PRKCE: variants seen among roughly 807,000 people sequenced by gnomAD.
PRKCE encodes protein kinase C epsilon.
In PRKCE, 16 loss-of-function variants were observed where a neutral mutation model predicts 85.4. The observed-to-expected ratio is 0.19, with a 90% CI of 0.13 to 0.28. PRKCE has a LOEUF of 0.28. PRKCE is among the 10% of genes least tolerant of loss of function. The pLI is 1.00. For synonymous variants in PRKCE, 388 were observed against 371.5 expected, an observed-to-expected ratio of 1.04 and a Z score of -0.51; for missense variants, 573 against 975.2, an observed-to-expected ratio of 0.59 and a Z score of 5.49.
intron 10 of PRKCE, among the ~76,000 whole-genome samples, chr2:46,042,909 T>C (rs1454982841): frequency 6.6e-6 from 1 of 152,240 alleles, no homozygotes; most frequent in Admixed American, 6.5e-5. Flanking sequence ...GCATTTTTAC[T>C]AGAAGAAGAA....
chr2:45,812,635 A>C lies in PRKCE; in HGVS notation c.349-30365A>C, dbSNP rs984502217. 2.6e-5 allele frequency among the ~76,000 whole-genome samples: 4 copies of C among 152,338 alleles called. No individual in the cohort carries two copies. The East Asian group carries it at 7.7e-4, about 29-fold the overall frequency. On this transcript the variant is annotated intron_variant, in intron 1 of 14. Coordinates refer to ENST00000306156, the MANE Select transcript of PRKCE (RefSeq NM_005400.3). Reference sequence around the variant, plus strand: ...ATTAGCTAACAGACGTAAAACACTTATTACGCCCGTGCCTGGCCCATAGTA... The same window carrying C: ...ATTAGCTAACAGACGTAAAACACTTCTTACGCCCGTGCCTGGCCCATAGTA...
chr2:45,813,789 A>G (rs1384540001), intron 1 of PRKCE, among the ~76,000 whole-genome samples: 1 of 152,184 alleles, frequency 6.6e-6, no homozygotes, highest in Non-Finnish European at 1.5e-5. Context: ...GACCCAGTGG[A>G]GCATTTGTCA....
chr2:45,961,935 T>C (rs1302298338), intron 2 of PRKCE, among the ~76,000 whole-genome samples: 1 of 152,180 alleles, frequency 6.6e-6, no homozygotes, highest in East Asian at 1.9e-4. Flanking sequence ...CCTCAGGTGA[T>C]CCACCTGCCT....
intron 2 of PRKCE, among the ~76,000 whole-genome samples, chr2:45,865,815 C>CTTCTTCTT (rs779577778): frequency 7.5e-6 from 1 of 133,668 alleles, no homozygotes; most frequent in African/African-American, 2.8e-5. Context: ...TCTTCTTCTT[C>CTTCTTCTT]TTTTTTTTTT....
intron 10 of PRKCE, among the ~76,000 whole-genome samples, chr2:46,064,021 C>G (rs1387112582): frequency 3.3e-5 from 5 of 152,140 alleles, no homozygotes; most frequent in Non-Finnish European, 1.5e-5. Context: ...GTGGCTCACA[C>G]CTGTAATCCC....
rs1178577615 is a variant in PRKCE, at chr2:46,086,332, T to C, written c.1562T>C (p.Met521Thr). Residue 521 changes from methionine to threonine, a missense_variant, in exon 11 of 15, where the codon ATG (methionine) becomes ACG (threonine). By Grantham distance (81) the Met-to-Thr change is moderately conservative. Coordinates refer to ENST00000306156, the MANE Select transcript of PRKCE (RefSeq NM_005400.3). ...GCTGCAGAGGTCACATCGGCCCTCATGTTCCTCCACCAGCATGGAGTCATC... is the reference window on the plus strand; with the variant it reads ...GCTGCAGAGGTCACATCGGCCCTCACGTTCCTCCACCAGCATGGAGTCATC... The part of the protein sequence containing the change: ...FYAAEVTSAL[M>T]FLHQHGVIYR... The C allele has an allele frequency of 6.3e-7, 1 of 1,599,636 alleles. No individual in the cohort carries two copies. Among genetic ancestry groups the C allele is most frequent in the East Asian group, 2.2e-5 (1 of 44,876 alleles).
At chr2:45,979,611 G>C (rs1702722261) in intron 4 of PRKCE, among the ~76,000 whole-genome samples, 1 of 152,166 alleles carries the variant, frequency 6.6e-6, no homozygotes. Context: ...CGGTGGTTTT[G>C]CTGAGGTTAG....
intron 10 of PRKCE, among the ~76,000 whole-genome samples, chr2:46,027,587 C>A (rs1174152936): frequency 1.3e-5 from 2 of 152,158 alleles, no homozygotes; most frequent in South Asian, 2.1e-4. Context: ...GGAAGGGGAA[C>A]AAGAACATGA....
rs376633465 is a variant in PRKCE, at chr2:45,992,219, C to T, written c.823+7539C>T. On this transcript the variant is annotated intron_variant, in intron 6 of 14. Coordinates refer to ENST00000306156, the MANE Select transcript of PRKCE (RefSeq NM_005400.3). ...GTTGACTCAGAATCCTTTGCAGTAA[C>T]ATCCACAATGCCTGGGGACCATGAG... Among the ~76,000 whole-genome samples the T allele has an allele frequency of 1.9e-4, 29 of 152,256 alleles. No individual in the cohort carries two copies. In the East Asian group the frequency reaches 2.3e-3, roughly 12 times the overall value.
intron 2 of PRKCE, among the ~76,000 whole-genome samples, chr2:45,921,717 A>G (rs1698263542): frequency 6.6e-6 from 1 of 152,160 alleles, no homozygotes; most frequent in Non-Finnish European, 1.5e-5. Flanking sequence ...ATTATACAAC[A>G]AAGGCAAGGG....
At chr2:46,085,042 C>T (rs1669459651) in intron 10 of PRKCE, among the ~76,000 whole-genome samples, 1 of 152,140 alleles carries the variant, frequency 6.6e-6, no homozygotes, top group Admixed American at 6.5e-5. Context: ...CATCTCCACC[C>T]CTGGATTGTA....
chr2:46,042,673 G>A (rs1708282448), intron 10 of PRKCE, among the ~76,000 whole-genome samples: 1 of 152,144 alleles, frequency 6.6e-6, no homozygotes, highest in African/African-American at 2.4e-5. Context: ...AGTAACTAAT[G>A]GGAGAAGAAA....
chr2:45,972,773 C>T (rs1420660318), intron 2 of PRKCE, among the ~76,000 whole-genome samples: 2 of 152,170 alleles, frequency 1.3e-5, no homozygotes, highest in African/African-American at 4.8e-5. Flanking sequence ...GTTGACTCTT[C>T]TTGGCTTGGA....
At chr2:45,803,436 C>A (rs1688020035) in intron 1 of PRKCE, among the ~76,000 whole-genome samples, 1 of 152,220 alleles carries the variant, frequency 6.6e-6, no homozygotes, top group Non-Finnish European at 1.5e-5. Context: ...GCCATATGGA[C>A]AGTTTCCACT....
intron 2 of PRKCE, chr2:45,851,641 TG>T (rs965674309): frequency 2.0e-5 from 3 of 152,146 alleles, no homozygotes; most frequent in Non-Finnish European, 4.4e-5. Context: ...TTAGAAATTG[TG>T]AAAAAAAATT....
At chr2:45,845,836 A>AG (rs1189401335) in intron 2 of PRKCE, 1 of 152,134 alleles carries the variant, frequency 6.6e-6, no homozygotes, top group African/African-American at 2.4e-5. Flanking sequence ...CCCAGATGTA[A>AG]GGGGGTCAGG....
intron 10 of PRKCE, chr2:46,010,794 T>A: frequency 6.3e-7 from 1 of 1,590,642 alleles, no homozygotes; most frequent in Non-Finnish European, 8.5e-7. Flanking sequence ...TGTTTGCTCA[T>A]TGGAAAAACC....
chr2:45,831,297 CT>C (rs2105397893), intron 1 of PRKCE, among the ~76,000 whole-genome samples: 1 of 152,298 alleles, frequency 6.6e-6, no homozygotes, highest in East Asian at 1.9e-4. Flanking sequence ...GATTTTAGAA[CT>C]AATGTATACA....
chr2:46,124,692 G>A (rs778905407), intron 11 of PRKCE, among the ~76,000 whole-genome samples: 2 of 152,210 alleles, frequency 1.3e-5, no homozygotes, highest in African/African-American at 2.4e-5. Flanking sequence ...TTCACTCATC[G>A]ATCTACTTGT....
Sources: gnomAD v4.1 joint callset for allele counts (sites outside exome capture counted in the v4.1 genomes callset) on GRCh38, gnomAD v4.1.1 for gene constraint, MANE v1.5 for transcripts, NCBI Gene and HGNC (gene_info 2026-07-23, HGNC 2026-07-21) for gene names.